VPS13A: variants seen among roughly 807,000 people sequenced by gnomAD.
VPS13A encodes vacuolar protein sorting 13 homolog A.
VPS13A carries 264 observed loss-of-function variants against 390.9 expected under a neutral mutation model. That is an observed-to-expected ratio of 0.68 (90% CI 0.61 to 0.75). The LOEUF is 0.75. VPS13A is among the 30% of genes least tolerant of loss of function. The probability of loss-of-function intolerance (pLI) is 0.00; values close to 1 mark genes in which losing one functional copy is unlikely to be tolerated. For missense variants in VPS13A, 3,409 were observed against 3,733.9 expected (o/e 0.91, Z 2.27); for synonymous variants, 1,231 against 1,227.1 (o/e 1.00, Z -0.07).
At chr9:77,184,550 C>G (rs868805175) in intron 1 of VPS13A, among the ~76,000 whole-genome samples, 2 of 152,170 alleles carry the variant, frequency 1.3e-5, no homozygotes, top group African/African-American at 4.8e-5. Flanking sequence ...ACATGGGAGG[C>G]GGAGGTTGCA....
chr9:77,228,437 A>T (rs1823645256), intron 17 of VPS13A, among the ~76,000 whole-genome samples, 173 bp downstream of exon 17: 1 of 152,144 alleles, frequency 6.6e-6, no homozygotes, highest in Non-Finnish European at 1.5e-5. Context: ...GTTCAATAGA[A>T]AACCACATTC....
At chr9:77,182,085 TTTTC>T (rs577227232) in intron 1 of VPS13A, among the ~76,000 whole-genome samples, 2 of 152,060 alleles carry the variant, frequency 1.3e-5, no homozygotes, top group Admixed American at 6.6e-5. Flanking sequence ...TCTCCAGCAA[TTTTC>T]TTTTTCTTTT....
chr9:77,193,008 T>A (rs556830437), intron 1 of VPS13A, among the ~76,000 whole-genome samples: 4 of 152,188 alleles, frequency 2.6e-5, no homozygotes, highest in African/African-American at 9.6e-5. Flanking sequence ...CTTCACATAA[T>A]CTCATGTTTT....
At position 77,315,481 on chromosome 9, in the gene VPS13A, G is replaced by A. The variant is rs756896694; in HGVS notation, c.4630+11G>A. 1.2e-6 allele frequency: 2 copies of A among 1,611,662 alleles called. No individual in the cohort carries two copies. The highest frequency in any genetic ancestry group is 1.3e-5 in the African/African-American group (1 of 74,974). On this transcript the variant is annotated intron_variant, in intron 38 of 71. Coordinates refer to ENST00000360280, the MANE Select transcript of VPS13A (RefSeq NM_033305.3). Reference sequence around the variant, plus strand: ...CTGCTAAGGAAGAAGGTTAGTTATTGGCTAAAATATTTAATATTTGTTTTA... The same window carrying A: ...CTGCTAAGGAAGAAGGTTAGTTATTAGCTAAAATATTTAATATTTGTTTTA...
intron 53 of VPS13A, among the ~76,000 whole-genome samples, 182 bp downstream of exon 53, chr9:77,351,628 T>G (rs1044078048): frequency 3.3e-5 from 5 of 152,144 alleles, no homozygotes; most frequent in African/African-American, 1.2e-4. Context: ...AAATTCACTT[T>G]GGGAGGCCAA....
chr9:77,399,795 G>T (rs1303025594), intron 68 of VPS13A, among the ~76,000 whole-genome samples: 4 of 152,028 alleles, frequency 2.6e-5, no homozygotes, highest in Non-Finnish European at 5.9e-5. Flanking sequence ...AGATTGATGT[G>T]TACCTTCCAG....
intron 29 of VPS13A, 73 bp from the exon 30 acceptor site, chr9:77,283,282 T>G: frequency 1.2e-6 from 1 of 868,938 alleles, no homozygotes; most frequent in Non-Finnish European, 1.9e-6. Context: ...ATATTTCAGT[T>G]ACTTTATAAG....
At chr9:77,222,714 T>C (rs1440687303) in intron 13 of VPS13A, among the ~76,000 whole-genome samples, 1 of 152,194 alleles carries the variant, frequency 6.6e-6, no homozygotes, top group Admixed American at 6.5e-5. Flanking sequence ...CTATGATCAG[T>C]GATCTTTGCT....
In VPS13A at chr9:77,178,362, C is replaced by A. The variant is rs556439472; in HGVS notation, c.100+558C>A. On this transcript the variant is annotated intron_variant, in intron 1 of 71. Transcript: ENST00000360280. ...CACCCGTGGTGCTTTCTGCTCTCCCCCTTCCGGCCCTAGGACCCGGACGCC... is the reference window on the plus strand; with the variant it reads ...CACCCGTGGTGCTTTCTGCTCTCCCACTTCCGGCCCTAGGACCCGGACGCC... Among the ~76,000 whole-genome samples, 16 of 152,374 alleles carry A rather than the reference C, an allele frequency of 1.1e-4. No individual in the cohort carries two copies. The South Asian group carries it at 2.1e-3, about 20-fold the overall frequency.
At position 77,213,288 on chromosome 9, in the gene VPS13A, T is replaced by C; in HGVS notation, c.670T>C (p.Tyr224His). ...TTGGAATGTGAAGTCTCAGATGTTTTATCTTAGTGATTATGATAACTCCTT... is the reference window on the plus strand; with the variant it reads ...TTGGAATGTGAAGTCTCAGATGTTTCATCTTAGTGATTATGATAACTCCTT... ...AYWNVKSQMFYLSDYDNSLDD... is the reference protein window; with the variant it reads ...AYWNVKSQMFHLSDYDNSLDD... Residue 224 changes from tyrosine to histidine, a missense_variant, in exon 9 of 72, where the codon TAT becomes CAT. Tyr to His is a moderately conservative substitution (Grantham distance 83). Transcript: ENST00000360280. The C allele has an allele frequency of 6.2e-7, 1 of 1,613,730 alleles. No individual in the cohort carries two copies.
At chr9:77,220,523 T>C (rs1054998519) in intron 12 of VPS13A, 140 bp downstream of exon 12, 3 of 654,468 alleles carry the variant, frequency 4.6e-6, no homozygotes, top group Non-Finnish European at 7.8e-6. Flanking sequence ...GCTAGAAATA[T>C]ATGTAGCTGC....
In VPS13A at chr9:77,276,115, A is replaced by G. The variant is rs79287753; in HGVS notation, c.2718A>G (p.Val906=). The part of the protein sequence containing the change: ...HLVGDCELSV[V]EILVLGLGAE... Reference sequence around the variant, plus strand: ...TTGGAGATTGTGAACTATCTGTGGTAGAAATTCTTGTTTTAGGATTGGGTG... The same window carrying G: ...TTGGAGATTGTGAACTATCTGTGGTGGAAATTCTTGTTTTAGGATTGGGTG... The change falls in exon 26 of 72, where the codon GTA becomes GTG. Residue 906 remains valine (V), a synonymous_variant. Coordinates refer to ENST00000360280, the MANE Select transcript of VPS13A (RefSeq NM_033305.3). 14,663 of 1,613,236 alleles carry G rather than the reference A, an allele frequency of 9.1e-3. 181 individuals carry two copies. Among genetic ancestry groups the G allele is most frequent in the African/African-American group, 0.062 (4,626 of 74,972 alleles).
chr9:77,388,661 A>G (rs1833788461), intron 68 of VPS13A, among the ~76,000 whole-genome samples: 1 of 152,188 alleles, frequency 6.6e-6, no homozygotes, highest in African/African-American at 2.4e-5. Flanking sequence ...TGGATCTTAG[A>G]GATCCTCAAA....
intron 33 of VPS13A, among the ~76,000 whole-genome samples, chr9:77,296,651 C>T (rs186821653): frequency 6.6e-6 from 1 of 152,252 alleles, no homozygotes; most frequent in East Asian, 1.9e-4. Context: ...ACATAATTGA[C>T]ACAGAATAAG....
At chr9:77,317,820 A>G (rs908846956) in intron 40 of VPS13A, 122 bp downstream of exon 40, 4 of 613,536 alleles carry the variant, frequency 6.5e-6, no homozygotes, top group Admixed American at 6.6e-5. Context: ...TTTTGAAAAT[A>G]CGTTTTTATG....
chr9:77,390,347 C>T (rs1229876402), intron 68 of VPS13A, among the ~76,000 whole-genome samples: 1 of 152,040 alleles, frequency 6.6e-6, no homozygotes, highest in African/African-American at 2.4e-5. Context: ...ATACAATTAT[C>T]ATACCTTACT....
At position 77,416,461 on chromosome 9, in the gene VPS13A, G is replaced by A. The variant is rs1222644407; in HGVS notation, c.*455G>A. ...GGGTAAGAAATCAAACATTGCCTCA[G>A]TGGTATCAAGAGAACTTTGGTGGTG... is the stretch of plus-strand genomic sequence containing the variant. On this transcript the variant is annotated 3_prime_UTR_variant, in exon 72 of 72. Coordinates refer to ENST00000360280, the MANE Select transcript of VPS13A (RefSeq NM_033305.3). 1.2e-5 allele frequency: 2 copies of A among 162,216 alleles called. No homozygotes were observed. Among genetic ancestry groups the A allele is most frequent in the Non-Finnish European group, 2.7e-5 (2 of 73,830 alleles). The allele number at this position is 162,216 out of a possible 1,614,324, so 10.0% of individuals were successfully genotyped here. A position where few individuals can be genotyped will look rare whatever the true frequency, so the allele number is the denominator to read the frequency against.
intron 1 of VPS13A, among the ~76,000 whole-genome samples, chr9:77,197,501 A>G (rs7871780): frequency 0.96 from 146,389 of 152,296 alleles, 70,406 homozygotes; most frequent in East Asian, 1. Flanking sequence ...CGGTTTTATC[A>G]TTATATAATG....
At chr9:77,271,263 A>G (rs1288147354) in intron 23 of VPS13A, among the ~76,000 whole-genome samples, 2 of 152,222 alleles carry the variant, frequency 1.3e-5, no homozygotes, top group African/African-American at 2.4e-5. Flanking sequence ...ATACTACTAC[A>G]CAATGGTTAG....
Sources: allele counts gnomAD v4.1 joint callset (sites outside exome capture counted in the v4.1 genomes callset), GRCh38; gene constraint gnomAD v4.1.1; transcripts MANE v1.5; gene names NCBI Gene and HGNC (gene_info 2026-07-23, HGNC 2026-07-21).